Variants in UNC13C observed in about 807,000 individuals in gnomAD.
The protein encoded by UNC13C is unc-13 homolog C.
In UNC13C, 174 loss-of-function variants were observed where a neutral mutation model predicts 245.4. The ratio of observed to expected loss-of-function variants is 0.71; its 90% CI spans 0.63 to 0.80. The LOEUF is 0.80. Ranked by LOEUF, UNC13C falls within the 30% of genes least tolerant of loss-of-function variation. The pLI is 0.00. For missense variants in UNC13C, 2,829 were observed against 2,602.9 expected, an observed-to-expected ratio of 1.09 and a Z score of -1.89; for synonymous variants, 992 against 895.1, an observed-to-expected ratio of 1.11 and a Z score of -1.93.
the UNC13C span, among the ~76,000 whole-genome samples, chr15:53,875,729 A>G: frequency 6.6e-6 from 1 of 152,150 alleles, no homozygotes; most frequent in Non-Finnish European, 1.5e-5. Flanking sequence ...TAATTCTGCA[A>G]TAGTTTTATG....
chr15:54,612,981 A>G (rs779822107), intron 30 of UNC13C, among the ~76,000 whole-genome samples: 4 of 151,876 alleles, frequency 2.6e-5, no homozygotes, highest in Admixed American at 6.6e-5. Flanking sequence ...TGTGCTTGCC[A>G]TGTCACTATT....
chr15:54,098,245 G>C (rs1349324108), intron 2 of UNC13C, among the ~76,000 whole-genome samples: 2 of 152,128 alleles, frequency 1.3e-5, no homozygotes, highest in Non-Finnish European at 2.9e-5. Context: ...GGTGATGTTG[G>C]CTCACTGCAA....
At chr15:54,468,463 C>T (rs1567301857) in intron 19 of UNC13C, among the ~76,000 whole-genome samples, 2 of 151,436 alleles carry the variant, frequency 1.3e-5, no homozygotes, top group South Asian at 4.2e-4. Flanking sequence ...TTGATTCATT[C>T]CATCCATTTT....
the UNC13C span, chr15:53,912,385 T>A: frequency 1.3e-5 from 2 of 152,246 alleles, no homozygotes; most frequent in Non-Finnish European, 2.9e-5. Flanking sequence ...AATCCTCTGG[T>A]CCCCTACTAA....
intron 1 of UNC13C, among the ~76,000 whole-genome samples, chr15:53,992,807 A>G (rs546073038): frequency 6.6e-6 from 1 of 152,206 alleles, no homozygotes; most frequent in African/African-American, 2.4e-5. Context: ...TTAGTAATTA[A>G]TCACTCTTCA....
intron 2 of UNC13C, among the ~76,000 whole-genome samples, chr15:54,060,415 G>T (rs1284410578): frequency 6.6e-6 from 1 of 152,164 alleles, no homozygotes; most frequent in Non-Finnish European, 1.5e-5. Flanking sequence ...AAACCACAAT[G>T]AGATACCATC....
At chr15:54,239,753 C>A (rs1284987958) in intron 7 of UNC13C, among the ~76,000 whole-genome samples, 1 of 152,106 alleles carries the variant, frequency 6.6e-6, no homozygotes, top group African/African-American at 2.4e-5. Flanking sequence ...TGGCCCCCAC[C>A]TCCTTATTCT....
chr15:54,479,004 G>A (rs1006983778), intron 19 of UNC13C, among the ~76,000 whole-genome samples: 2 of 152,082 alleles, frequency 1.3e-5, no homozygotes, highest in Non-Finnish European at 2.9e-5. Context: ...CCTGTATTGG[G>A]TGCATATATA....
At chr15:54,079,792 G>A (rs1295118436) in intron 2 of UNC13C, among the ~76,000 whole-genome samples, 1 of 151,966 alleles carries the variant, frequency 6.6e-6, no homozygotes, top group African/African-American at 2.4e-5. Flanking sequence ...CTATTTAGAT[G>A]CTTTTTCTTT....
At chr15:54,062,382 G>A (rs1336834309) in intron 2 of UNC13C, among the ~76,000 whole-genome samples, 2 of 150,852 alleles carry the variant, frequency 1.3e-5, no homozygotes, top group Admixed American at 6.6e-5. Flanking sequence ...GGCAGAGGTC[G>A]TAGTTTCCTA....
At chr15:53,901,385 AT>A in the UNC13C span, among the ~76,000 whole-genome samples, 2 of 150,464 alleles carry the variant, frequency 1.3e-5, no homozygotes, top group African/African-American at 2.4e-5. Context: ...ATGCCTAGCT[AT>A]TTTTTTTGTA....
intron 4 of UNC13C, among the ~76,000 whole-genome samples, chr15:54,167,626 AAAC>A (rs2033230621): frequency 7.6e-6 from 1 of 131,574 alleles, no homozygotes; most frequent in African/African-American, 2.9e-5. Flanking sequence ...AAAAAAAAAG[AAAC>A]AAAACCAAAT....
intron 19 of UNC13C, among the ~76,000 whole-genome samples, chr15:54,486,574 G>A (rs965342405): frequency 1.3e-5 from 2 of 152,130 alleles, no homozygotes; most frequent in African/African-American, 4.8e-5. Flanking sequence ...AATTCTCACA[G>A]ATATACTTTG....
At chr15:54,208,401 C>A (rs930547939) in intron 4 of UNC13C, among the ~76,000 whole-genome samples, 1 of 152,078 alleles carries the variant, frequency 6.6e-6, no homozygotes, top group African/African-American at 2.4e-5. Flanking sequence ...ACAGTACCTG[C>A]CAAATAATAA....
chr15:54,212,657 T>G (rs1423901167), intron 4 of UNC13C, among the ~76,000 whole-genome samples: 2 of 152,082 alleles, frequency 1.3e-5, no homozygotes, highest in Non-Finnish European at 1.5e-5. Flanking sequence ...TCAACCTCAA[T>G]TAGATCTATG....
chr15:54,430,657 A>C (rs1367567164), intron 19 of UNC13C, among the ~76,000 whole-genome samples: 1 of 151,680 alleles, frequency 6.6e-6, no homozygotes, highest in African/African-American at 2.4e-5. Flanking sequence ...GAGTTATCTT[A>C]AGTCTTGTTT....
At chr15:54,308,058 C>T (rs1407997577) in intron 13 of UNC13C, among the ~76,000 whole-genome samples, 2 of 151,886 alleles carry the variant, frequency 1.3e-5, no homozygotes, top group African/African-American at 4.8e-5. Flanking sequence ...TCATAATCTT[C>T]CTTTTGGTAC....
intron 30 of UNC13C, among the ~76,000 whole-genome samples, chr15:54,572,805 T>C (rs1000662448): frequency 1.3e-5 from 2 of 152,310 alleles, no homozygotes; most frequent in Middle Eastern, 3.4e-3. Flanking sequence ...TAAGTGTTAT[T>C]TAATCAAAAT....
intron 2 of UNC13C, among the ~76,000 whole-genome samples, chr15:54,058,999 A>G (rs906764578): frequency 2.0e-5 from 3 of 152,182 alleles, no homozygotes; most frequent in African/African-American, 4.8e-5. Flanking sequence ...ACCCACAGCC[A>G]ATATCATACT....
Sources: allele counts gnomAD v4.1 joint callset (sites outside exome capture counted in the v4.1 genomes callset), GRCh38; gene constraint gnomAD v4.1.1; transcripts MANE v1.5; gene names NCBI Gene and HGNC (gene_info 2026-07-23, HGNC 2026-07-21).